SGCG: variants seen among roughly 807,000 people sequenced by gnomAD.
The protein encoded by SGCG is sarcoglycan gamma, also known as gamma-sarcoglycan.
In SGCG, 26 loss-of-function variants were observed where a neutral mutation model predicts 29.3. That is an observed-to-expected ratio of 0.89 (90% CI 0.65 to 1.23). The LOEUF is 1.23. Among genes scored for constraint, SGCG ranks in the 50% most tolerant of loss-of-function variants. The pLI, the probability that SGCG is intolerant of heterozygous loss-of-function variation, is 0.00. For synonymous variants in SGCG, 145 were observed against 129.7 expected (o/e 1.12, Z -0.80); for missense variants, 353 against 356.0 (o/e 0.99, Z 0.07).
chr13:23,184,831 C>T (rs9510614), intron 1 of SGCG, among the ~76,000 whole-genome samples: 7,083 of 152,250 alleles, frequency 0.047, 215 homozygotes, highest in South Asian at 0.077. Context: ...AACAAGAATC[C>T]GCATCTCAGG....
At chr13:23,271,902 T>C (rs1880890337) in intron 4 of SGCG, among the ~76,000 whole-genome samples, 1 of 152,234 alleles carries the variant, frequency 6.6e-6, no homozygotes, top group South Asian at 2.1e-4. Context: ...AATTTCTAAA[T>C]TTTTAATCAT....
In SGCG at chr13:23,324,473, G is replaced by A. The variant is rs767191084; in HGVS notation, c.808G>A (p.Gly270Arg). ...SLYEICVCPD[G>R]KLYLSVAGVS... is the part of the protein sequence containing the mutation. ...CTACGAAATCTGTGTGTGTCCAGAT[G>A]GGAAGCTGTACCTGTCTGTGGCCGG... Residue 270 changes from glycine to arginine, a missense_variant, in exon 8 of 8, where the codon GGG (glycine) becomes AGG (arginine). Transcript: ENST00000218867. 19 of 1,613,926 alleles carry A rather than the reference G, an allele frequency of 1.2e-5. No individual in the cohort carries two copies. The highest frequency in any genetic ancestry group is 6.8e-6 in the Non-Finnish European group (8 of 1,180,006).
At chr13:23,253,123 C>T (rs566529814) in intron 4 of SGCG, among the ~76,000 whole-genome samples, 6 of 151,706 alleles carry the variant, frequency 4.0e-5, no homozygotes, top group Non-Finnish European at 7.4e-5. Context: ...GGCTCACTCC[C>T]GTAATCCCAG....
At chr13:23,241,536 A>G (rs1432804996) in intron 3 of SGCG, among the ~76,000 whole-genome samples, 1 of 152,176 alleles carries the variant, frequency 6.6e-6, no homozygotes, top group Non-Finnish European at 1.5e-5. Flanking sequence ...AATTCTACCA[A>G]ACATTTAAAG....
At chr13:23,301,259 G>A (rs567101242) in intron 6 of SGCG, among the ~76,000 whole-genome samples, 1 of 152,156 alleles carries the variant, frequency 6.6e-6, no homozygotes, top group South Asian at 2.1e-4. Context: ...GGAAAAAAAT[G>A]AATAGAAATG....
intron 3 of SGCG, among the ~76,000 whole-genome samples, chr13:23,242,420 T>C (rs1879546457): frequency 1.3e-5 from 2 of 152,184 alleles, no homozygotes; most frequent in South Asian, 4.1e-4. Context: ...CCTTACATTA[T>C]TAATGGTCTT....
intron 2 of SGCG, chr13:23,217,433 A>T (rs1878473477): frequency 1.3e-5 from 2 of 152,158 alleles, no homozygotes; most frequent in African/African-American, 2.4e-5. Flanking sequence ...TGCATATTTT[A>T]AAAACACGAA....
intron 6 of SGCG, among the ~76,000 whole-genome samples, chr13:23,304,975 G>A (rs376829774): frequency 2.4e-5 from 3 of 123,264 alleles, no homozygotes; most frequent in Non-Finnish European, 3.4e-5. Flanking sequence ...AGGCTTGCAC[G>A]TGCTCACAGG....
At chr13:23,225,780 T>TACACGCACACACACAC (rs1555237081) in intron 2 of SGCG, among the ~76,000 whole-genome samples, 2 of 148,664 alleles carry the variant, frequency 1.3e-5, no homozygotes, top group African/African-American at 5.0e-5. Flanking sequence ...GGACATGTCA[T>TACACGCACACACACAC]ACACACACAC....
intron 1 of SGCG, among the ~76,000 whole-genome samples, chr13:23,186,471 C>A (rs1423273128): frequency 1.3e-5 from 2 of 152,190 alleles, no homozygotes; most frequent in Non-Finnish European, 2.9e-5. Context: ...TGGGAGCAGA[C>A]TTCCAGATCC....
In SGCG at chr13:23,324,351, C is replaced by T. The variant is rs752265420; in HGVS notation, c.703-17C>T. 6.2e-7 allele frequency: 1 copy of T among 1,613,944 alleles called. No individual in the cohort carries two copies. Among genetic ancestry groups the T allele is most frequent in the South Asian group, 1.1e-5 (1 of 91,062 alleles). The stretch of plus-strand genomic sequence containing the variant: ...GGCCCTTCCTTAACTCTTCGTCTCT[C>T]ATCTTCTCCCAACCAGCTTGTGCTT... On this transcript the variant is annotated splice_polypyrimidine_tract_variant and intron_variant, in intron 7 of 7. Coordinates refer to ENST00000218867, the MANE Select transcript of SGCG (RefSeq NM_000231.3).
chr13:23,194,352 G>A (rs180716134), intron 1 of SGCG, among the ~76,000 whole-genome samples: 12 of 152,180 alleles, frequency 7.9e-5, no homozygotes, highest in African/African-American at 1.7e-4. Context: ...GGACTGTTTC[G>A]GGTGCAAGTG....
chr13:23,180,732 T>C (rs1414836710), upstream of SGCG, among the ~76,000 whole-genome samples: 1 of 152,220 alleles, frequency 6.6e-6, no homozygotes, highest in Non-Finnish European at 1.5e-5. Context: ...TGTTGGAAAG[T>C]TGGTTTTGTA....
At chr13:23,161,289 AG>A in the SGCG span, among the ~76,000 whole-genome samples, 4 of 152,352 alleles carry the variant, frequency 2.6e-5, no homozygotes, top group East Asian at 7.7e-4. Flanking sequence ...AGCGTTAGCA[AG>A]TTGCTTGTTC....
chr13:23,301,431 C>T (rs1448184079), intron 6 of SGCG, among the ~76,000 whole-genome samples: 2 of 152,078 alleles, frequency 1.3e-5, no homozygotes, highest in Admixed American at 6.5e-5. Context: ...TCCAAGGAAC[C>T]GGGACTTCTT....
intron 2 of SGCG, among the ~76,000 whole-genome samples, chr13:23,216,241 C>A (rs7318907): frequency 2.0e-5 from 3 of 152,036 alleles, no homozygotes; most frequent in Admixed American, 1.3e-4. Flanking sequence ...GTCTATACTA[C>A]GGGTGTATCT....
intron 4 of SGCG, among the ~76,000 whole-genome samples, chr13:23,250,980 A>G (rs563204950): frequency 6.6e-6 from 1 of 152,336 alleles, no homozygotes; most frequent in South Asian, 2.1e-4. Context: ...CAAAATGTTT[A>G]TTGTGGGTTA....
intron 4 of SGCG, among the ~76,000 whole-genome samples, chr13:23,271,412 T>TA (rs138642899): frequency 0.14 from 21,373 of 150,528 alleles, 1,748 homozygotes; most frequent in African/African-American, 0.21. Flanking sequence ...GCTGATGAGC[T>TA]AAAAAAAAAA....
At chr13:23,303,763 A>C (rs1463880239) in intron 6 of SGCG, among the ~76,000 whole-genome samples, 1 of 152,236 alleles carries the variant, frequency 6.6e-6, no homozygotes, top group East Asian at 1.9e-4. Context: ...TTCCTGGAAG[A>C]GGAATCCATG....
Sources: gnomAD v4.1 joint callset for allele counts (sites outside exome capture counted in the v4.1 genomes callset) on GRCh38, gnomAD v4.1.1 for gene constraint, MANE v1.5 for transcripts, NCBI Gene and HGNC (gene_info 2026-07-23, HGNC 2026-07-21) for gene names.